The following RCN3 variants were observed in gnomAD, a reference collection of about 807,000 sequenced individuals.
The protein encoded by RCN3 is reticulocalbin 3.
In RCN3, 41 loss-of-function variants were observed where a neutral mutation model predicts 35.9. The ratio of observed to expected loss-of-function variants is 1.14; its 90% CI spans 0.89 to 1.48. The LOEUF is 1.48. Among genes scored for constraint, RCN3 ranks in the 40% most tolerant of loss-of-function variants. The pLI is 0.00. For missense variants in RCN3, 451 were observed against 471.3 expected (o/e 0.96, Z 0.40); for synonymous variants, 187 against 193.4 (o/e 0.97, Z 0.27).
chr19:49,543,058 T>C, intron 6 of RCN3, 48 bp from the exon 7 acceptor site: 2 of 1,507,698 alleles, frequency 1.3e-6, no homozygotes, highest in Non-Finnish European at 1.8e-6. Context: ...GGAGGGCTTT[T>C]GAAAGCAGGG....
chr19:49,537,169 C>G lies in RCN3; in HGVS notation c.582C>G (p.Pro194=). ...AGGAGCTGACAGCCTTCCTGCACCCCGAGGAGTTCCCTCACATGCGGGACA... is the reference window on the plus strand; with the variant it reads ...AGGAGCTGACAGCCTTCCTGCACCCGGAGGAGTTCCCTCACATGCGGGACA... ...TREELTAFLH[P]EEFPHMRDIV... is the part of the protein sequence containing the mutation. The change falls in exon 4 of 7, where the codon CCC becomes CCG. Residue 194 remains proline (P), a synonymous_variant. Coordinates refer to ENST00000270645, the MANE Select transcript of RCN3 (RefSeq NM_020650.3). The G allele has an allele frequency of 6.4e-7, 1 of 1,569,192 alleles. No individual in the cohort carries two copies. The highest frequency in any genetic ancestry group is 1.4e-5 in the African/African-American group (1 of 72,526).
At chr19:49,537,288 A>T in intron 4 of RCN3, 83 bp downstream of exon 4, 1 of 1,299,076 alleles carries the variant, frequency 7.7e-7, no homozygotes, top group Non-Finnish European at 1.0e-6. Flanking sequence ...CCCAGCACCG[A>T]CCTGGGGGCA....
In RCN3 at chr19:49,539,189, C is replaced by T. The variant is rs973230978; in HGVS notation, c.679+10C>T. 7 of 1,606,300 alleles carry T rather than the reference C, an allele frequency of 4.4e-6. No homozygotes were observed. The highest frequency in any genetic ancestry group is 5.1e-6 in the Non-Finnish European group (6 of 1,176,504). On this transcript the variant is annotated intron_variant, in intron 5 of 6. Transcript: ENST00000270645. Reference sequence around the variant, plus strand: ...GTGGAGGAGTACATCGGTGAGTGGGCCCCAATTTCTTCTTGGGATGCCTGT... The same window carrying T: ...GTGGAGGAGTACATCGGTGAGTGGGTCCCAATTTCTTCTTGGGATGCCTGT...
intron 5 of RCN3, among the ~76,000 whole-genome samples, chr19:49,541,609 C>T (rs8102027): frequency 5.3e-5 from 8 of 151,998 alleles, no homozygotes; most frequent in South Asian, 2.1e-4. Context: ...ATTAGCTGGG[C>T]GTGGTGGCGG....
In RCN3 at chr19:49,539,197, T is replaced by A. The variant is rs2065931553; in HGVS notation, c.679+18T>A. On this transcript the variant is annotated intron_variant, in intron 5 of 6. Transcript: ENST00000270645. ...GTACATCGGTGAGTGGGCCCCAATT[T>A]CTTCTTGGGATGCCTGTCCTCTCTC... 3 of 1,601,632 alleles carry A rather than the reference T, an allele frequency of 1.9e-6. No homozygotes were observed. The African/African-American group carries it at 4.0e-5, about 22-fold the overall frequency.
chr19:49,533,697 C>T (rs2080119814), intron 2 of RCN3, among the ~76,000 whole-genome samples: 1 of 111,778 alleles, frequency 8.9e-6, no homozygotes, highest in Non-Finnish European at 1.7e-5. Flanking sequence ...CACGCGCAGC[C>T]TGGTAAGGGG....
At chr19:49,543,029 G>T in intron 6 of RCN3, 77 bp from the exon 7 acceptor site, 1 of 1,226,524 alleles carries the variant, frequency 8.2e-7, no homozygotes, top group Non-Finnish European at 1.2e-6. Context: ...CAGAGACTTC[G>T]GGACACGCTT....
chr19:49,534,723 T>C (rs2080126304), intron 3 of RCN3, among the ~76,000 whole-genome samples: 1 of 152,078 alleles, frequency 6.6e-6, no homozygotes, highest in Non-Finnish European at 1.5e-5. Context: ...AAAAGTCCAA[T>C]GCTCTACCAA....
chr19:49,528,219 T>C (rs2122709575), intron 1 of RCN3, 161 bp downstream of exon 1: 2 of 430,634 alleles, frequency 4.6e-6, no homozygotes, highest in East Asian at 7.0e-5. Flanking sequence ...GTCTCTGTAA[T>C]TCCCCCTGGC....
At position 49,542,653 on chromosome 19, in the gene RCN3, C is replaced by G. The variant is rs756767801; in HGVS notation, c.780C>G (p.His260Gln). The change falls in exon 6 of 7, where the codon CAC (histidine) becomes CAG (glutamine). Residue 260 changes from histidine (H) to glutamine (Q), a missense_variant. Transcript: ENST00000270645. Reference sequence around the variant, plus strand: ...TCCGGGATCTGAACAAGGATGGGCACCTGGATGGGAGTGAGGTGGGCCACT... The same window carrying G: ...TCCGGGATCTGAACAAGGATGGGCAGCTGGATGGGAGTGAGGTGGGCCACT... Reference protein sequence around the residue: ...RDFRDLNKDGHLDGSEVGHWV... With the variant: ...RDFRDLNKDGQLDGSEVGHWV... The G allele has an allele frequency of 6.2e-7, 1 of 1,604,272 alleles. No homozygotes were observed. The highest frequency in any genetic ancestry group is 1.1e-5 in the South Asian group (1 of 88,908).
rs750250977 is a variant in RCN3 at position 49,537,215 on chromosome 19, G to A, written c.618+10G>A. The stretch of plus-strand genomic sequence containing the variant: ...GGACATCGTGATTGCTGTGAGTGGC[G>A]GCTGGGGAACCCTGTCCCCCACACC... On this transcript the variant is annotated intron_variant, in intron 4 of 6. Transcript: ENST00000270645. 1.1e-5 allele frequency: 16 copies of A among 1,495,388 alleles called. No homozygotes were observed. The East Asian group carries it at 1.3e-4, about 12-fold the overall frequency. 92.6% of individuals were successfully genotyped at this position (1,495,388 alleles called of 1,614,324 possible).
At position 49,534,195 on chromosome 19, in the gene RCN3, G is replaced by C; in HGVS notation, c.245G>C (p.Arg82Pro). Residue 82 changes from arginine (R) to proline (P), a missense_variant and splice_region_variant, in exon 3 of 7, where the codon CGG becomes CCG. Physicochemically the swap from Arg to Pro is moderately radical, Grantham distance 103. Transcript: ENST00000270645. ...CGTGTGCCCGCCCCGGCTTCTAGGCGGATCGTGGACCGCATGGACCGCGCG... is the reference window on the plus strand; with the variant it reads ...CGTGTGCCCGCCCCGGCTTCTAGGCCGATCGTGGACCGCATGGACCGCGCG... ...TPEESQARLGRIVDRMDRAGD... is the reference protein window; with the variant it reads ...TPEESQARLGPIVDRMDRAGD... 6.0e-6 allele frequency: 9 copies of C among 1,491,184 alleles called. No individual in the cohort carries two copies. The highest frequency in any genetic ancestry group is 8.0e-6 in the Non-Finnish European group (9 of 1,126,650). The allele number at this position is 1,491,184 out of a possible 1,614,324, so 92.4% of individuals were successfully genotyped here.
At chr19:49,532,081 G>A (rs967432662) in intron 2 of RCN3, among the ~76,000 whole-genome samples, 57 of 144,034 alleles carry the variant, frequency 4.0e-4, no homozygotes, top group Middle Eastern at 4.3e-3. Flanking sequence ...GATTACAGGC[G>A]TGAGCCATGG....
intron 2 of RCN3, among the ~76,000 whole-genome samples, chr19:49,531,623 T>C (rs1430043904): frequency 6.6e-6 from 1 of 151,866 alleles, no homozygotes; most frequent in Non-Finnish European, 1.5e-5. Flanking sequence ...CAAGACAAGA[T>C]GGTGGTCAGA....
chr19:49,543,212 G>GA lies in RCN3; in HGVS notation c.987dup, dbSNP rs2080172162. Reference sequence around the variant, plus strand: ...CTGACCCGGCACCACGATGAGCTGTGAGCACCGCGCACCTGCCACAGCCTC... The same window carrying GA: ...CTGACCCGGCACCACGATGAGCTGTGAAGCACCGCGCACCTGCCACAGCCTC... ...EDLTRHHDEL[*] The change falls in exon 7 of 7, where the codon TGA becomes TGAA. Residue 329 remains the stop codon, a frameshift_variant and stop_retained_variant. Transcript: ENST00000270645. LOFTEE classifies it high-confidence loss of function. 6.2e-7 allele frequency: 1 copy of GA among 1,607,108 alleles called. No homozygotes were observed. The highest frequency in any genetic ancestry group is 1.7e-5 in the Admixed American group (1 of 59,208).
At chr19:49,533,572 C>T (rs2080119074) in intron 2 of RCN3, among the ~76,000 whole-genome samples, 1 of 152,016 alleles carries the variant, frequency 6.6e-6, no homozygotes, top group Non-Finnish European at 1.5e-5. Context: ...AGACTGAGCC[C>T]CCGGGGTTGC....
intron 3 of RCN3, among the ~76,000 whole-genome samples, chr19:49,535,879 TAG>T (rs1358080547): frequency 6.1e-5 from 9 of 147,712 alleles, no homozygotes; most frequent in Admixed American, 2.7e-4. Flanking sequence ...TATATATAGA[TAG>T]ATAGATAGAT....
chr19:49,541,302 C>T (rs2080161782), intron 5 of RCN3, among the ~76,000 whole-genome samples: 1 of 152,148 alleles, frequency 6.6e-6, no homozygotes, highest in Non-Finnish European at 1.5e-5. Flanking sequence ...GACACTGTCA[C>T]TATCCTCCAT....
intron 2 of RCN3, among the ~76,000 whole-genome samples, chr19:49,529,175 C>T (rs964395157): frequency 6.1e-5 from 9 of 148,542 alleles, no homozygotes; most frequent in African/African-American, 1.8e-4. Context: ...AGTGAGACTC[C>T]GTCTAAAAAA....
Sources: allele counts gnomAD v4.1 joint callset (sites outside exome capture counted in the v4.1 genomes callset), GRCh38; gene constraint gnomAD v4.1.1; transcripts MANE v1.5; gene names NCBI Gene and HGNC (gene_info 2026-07-23, HGNC 2026-07-21).